Variants in HSD17B12 observed in about 807,000 individuals in gnomAD.
The protein encoded by HSD17B12 is hydroxysteroid 17-beta dehydrogenase 12.
Under a neutral mutation model 39.3 loss-of-function variants are expected in HSD17B12, and 32 were observed. That is an observed-to-expected ratio of 0.81 (90% CI 0.61 to 1.09). The LOEUF is 1.09. Ranked by LOEUF, HSD17B12 falls within the 50% of genes least tolerant of loss-of-function variation. The pLI is 0.00. For synonymous variants in HSD17B12, 150 were observed against 146.7 expected, an observed-to-expected ratio of 1.02 and a Z score of -0.16; for missense variants, 342 against 382.9, an observed-to-expected ratio of 0.89 and a Z score of 0.89.
At chr11:43,718,622 C>T (rs1950147514) in intron 1 of HSD17B12, 2 of 627,416 alleles carry the variant, frequency 3.2e-6, no homozygotes, top group Admixed American at 2.5e-5. Context: ...GCACATGTTA[C>T]TAAGTCTCTT....
the HSD17B12 span, among the ~76,000 whole-genome samples, chr11:43,675,083 C>G: frequency 1.3e-5 from 2 of 152,276 alleles, no homozygotes; most frequent in Admixed American, 1.3e-4. Context: ...CTCTTGGGTG[C>G]ACATCTTAGC....
At chr11:43,592,432 T>C in the HSD17B12 span, among the ~76,000 whole-genome samples, 4 of 152,186 alleles carry the variant, frequency 2.6e-5, no homozygotes, top group Non-Finnish European at 5.9e-5. Context: ...AAAAAGACAG[T>C]ATAAAAACCT....
the HSD17B12 span, among the ~76,000 whole-genome samples, chr11:43,614,574 T>A: frequency 6.6e-6 from 1 of 152,152 alleles, no homozygotes. Flanking sequence ...TGTGGGTTGA[T>A]CTTTTTCATA....
upstream of HSD17B12, chr11:43,680,433 T>G (rs1949730002): frequency 4.2e-6 from 1 of 238,478 alleles, no homozygotes; most frequent in Admixed American, 5.2e-5. Context: ...CCATTTCCTC[T>G]TCGAACCTGA....
intron 1 of HSD17B12, among the ~76,000 whole-genome samples, chr11:43,726,549 C>T (rs1196324786): frequency 6.6e-6 from 1 of 152,198 alleles, no homozygotes. Flanking sequence ...CAATGCTAAG[C>T]ATCACACATA....
Position 43,806,013 on chromosome 11 carries a change from A to G in HSD17B12, c.391+7586A>G, listed in dbSNP as rs1292775444. Among the ~76,000 whole-genome samples, 5 of 152,244 alleles carry G rather than the reference A, an allele frequency of 3.3e-5. No individual in the cohort carries two copies. The East Asian group carries it at 9.6e-4, about 29-fold the overall frequency. On this transcript the variant is annotated intron_variant, in intron 4 of 10. Transcript: ENST00000278353. ...AGGATTAGTCAAATGAAGAGAAACC[A>G]TAGGGCAAGGTCTGCGGGGAGTCCC... is the stretch of plus-strand genomic sequence containing the variant.
chr11:43,681,694 C>A (rs1367430529), intron 1 of HSD17B12, among the ~76,000 whole-genome samples: 2 of 148,776 alleles, frequency 1.3e-5, no homozygotes, highest in Admixed American at 6.7e-5. Context: ...TTCACAAGGA[C>A]GTTTGTAGGA....
At chr11:43,683,564 A>C (rs1017585448) in intron 1 of HSD17B12, among the ~76,000 whole-genome samples, 2 of 152,210 alleles carry the variant, frequency 1.3e-5, no homozygotes, top group Non-Finnish European at 2.9e-5. Flanking sequence ...AAACTAGCAG[A>C]GATGACACTT....
the HSD17B12 span, among the ~76,000 whole-genome samples, chr11:43,629,566 A>G: frequency 8.3e-4 from 127 of 152,324 alleles, 1 homozygote; most frequent in African/African-American, 2.7e-3. Context: ...CTATGGTCCC[A>G]TTCGTGGAGT....
chr11:43,685,774 A>G (rs1949792305), intron 1 of HSD17B12, among the ~76,000 whole-genome samples: 1 of 152,216 alleles, frequency 6.6e-6, no homozygotes, highest in Admixed American at 6.5e-5. Flanking sequence ...CTTTATACCT[A>G]CAAACTTTAT....
At chr11:43,776,941 C>T (rs147309375) in intron 3 of HSD17B12, among the ~76,000 whole-genome samples, 5,776 of 152,160 alleles carry the variant, frequency 0.038, 155 homozygotes, top group Non-Finnish European at 0.054. Context: ...TTTCTGAGGG[C>T]TCTGTTCTGT....
Position 43,680,866 on chromosome 11 carries a change from G to T in HSD17B12, c.39G>T (p.Trp13Cys). The T allele has an allele frequency of 3.1e-6, 5 of 1,614,132 alleles. No individual in the cohort carries two copies. The highest frequency in any genetic ancestry group is 4.2e-6 in the Non-Finnish European group (5 of 1,180,014). ...SALPAAGFLY[W>C]VGAGTVAYLA... Reference sequence around the variant, plus strand: ...TCCCCGCCGCCGGCTTCCTGTACTGGGTCGGCGCGGGCACCGTGGCCTACC... The same window carrying T: ...TCCCCGCCGCCGGCTTCCTGTACTGTGTCGGCGCGGGCACCGTGGCCTACC... Residue 13 changes from tryptophan (W) to cysteine (C), a missense_variant, in exon 1 of 11, where the codon TGG (tryptophan) becomes TGT (cysteine). Trp to Cys is a radical substitution (Grantham distance 215). Coordinates refer to ENST00000278353, the MANE Select transcript of HSD17B12 (RefSeq NM_016142.3).
chr11:43,733,549 C>T (rs1950288601), intron 1 of HSD17B12, among the ~76,000 whole-genome samples: 1 of 152,150 alleles, frequency 6.6e-6, no homozygotes, highest in African/African-American at 2.4e-5. Context: ...TCTCTGTATT[C>T]TGTAGTGTAA....
At chr11:43,557,857 G>T in the HSD17B12 span, among the ~76,000 whole-genome samples, 1 of 152,194 alleles carries the variant, frequency 6.6e-6, no homozygotes, top group Non-Finnish European at 1.5e-5. Context: ...TGAGGGGCTG[G>T]TGCTGTAACG....
chr11:43,763,812 G>A (rs981270706), intron 3 of HSD17B12, among the ~76,000 whole-genome samples: 3 of 151,626 alleles, frequency 2.0e-5, no homozygotes, highest in Admixed American at 6.6e-5. Context: ...AATTGTCCAG[G>A]GCAACCAAAG....
At chr11:43,611,267 A>T in the HSD17B12 span, among the ~76,000 whole-genome samples, 1,646 of 152,330 alleles carry the variant, frequency 0.011, 30 homozygotes, top group African/African-American at 0.037. Flanking sequence ...CTTTAAAAAT[A>T]TGTAGATATG....
the HSD17B12 span, among the ~76,000 whole-genome samples, chr11:43,664,873 T>A: frequency 6.6e-6 from 1 of 152,222 alleles, no homozygotes; most frequent in Non-Finnish European, 1.5e-5. Flanking sequence ...AGGAATATTC[T>A]TGGTTTTTGG....
At chr11:43,677,418 G>A (rs905043511), upstream of HSD17B12, among the ~76,000 whole-genome samples, 18 of 152,158 alleles carry the variant, frequency 1.2e-4, no homozygotes, top group African/African-American at 3.6e-4. Flanking sequence ...TAGAGAGTAA[G>A]TGTGAAGCAC....
intron 4 of HSD17B12, among the ~76,000 whole-genome samples, chr11:43,811,273 A>G (rs1284956322): frequency 2.6e-5 from 4 of 152,222 alleles, no homozygotes; most frequent in Non-Finnish European, 5.9e-5. Context: ...ATACTCCTAA[A>G]TAAGAGCATT....
Sources: allele counts gnomAD v4.1 joint callset (sites outside exome capture counted in the v4.1 genomes callset), GRCh38; gene constraint gnomAD v4.1.1; transcripts MANE v1.5; gene names NCBI Gene and HGNC (gene_info 2026-07-23, HGNC 2026-07-21).